CAPS2: variants seen among roughly 807,000 people sequenced by gnomAD.
CAPS2 encodes calcyphosine 2.
Under a neutral mutation model 86.5 loss-of-function variants are expected in CAPS2, and 98 were observed. The observed-to-expected ratio is 1.13, with a 90% confidence interval of 0.96 to 1.34. CAPS2 has a LOEUF of 1.34. Ranked by LOEUF, CAPS2 falls within the 40% of genes most tolerant of loss-of-function variation. The probability of loss-of-function intolerance (pLI) is 0.00; values close to 1 mark genes in which losing one functional copy is unlikely to be tolerated. For synonymous variants in CAPS2, 210 were observed against 225.1 expected, an observed-to-expected ratio of 0.93 and a Z score of 0.60; for missense variants, 729 against 686.8, an observed-to-expected ratio of 1.06 and a Z score of -0.69.
chr12:75,291,597 ATATATATATATATATT>A (rs1161523439), intron 13 of CAPS2, 131 bp downstream of exon 13: 652 of 63,918 alleles, frequency 0.01, 23 homozygotes, highest in Non-Finnish European at 0.02. Context: ...ATATATATAT[ATATATATATATATATT>A]CTTTTTTAAA....
At chr12:75,374,044 A>C (rs2044517954) in intron 1 of CAPS2, 1 of 152,240 alleles carries the variant, frequency 6.6e-6, no homozygotes, top group Non-Finnish European at 1.5e-5. Flanking sequence ...TTCTCTCAAA[A>C]TGAAAGTAGT....
In CAPS2 at chr12:75,369,832, A is replaced by AT. The variant is rs983839820; in HGVS notation, c.-395+21005dup. 6 of 1,325,572 alleles carry AT rather than the reference A, an allele frequency of 4.5e-6. No individual in the cohort carries two copies. In the African/African-American group the frequency reaches 8.9e-5, roughly 20 times the overall value. 82.1% of individuals were successfully genotyped at this position (1,325,572 alleles called of 1,614,324 possible). A position where few individuals can be genotyped will look rare whatever the true frequency, so the allele number is the denominator to read the frequency against. Reference sequence around the variant, plus strand: ...CTGTAGGATTGAGTAGGAAAGTTTCATTTTCTTGTTAAAAAGTCAAACTAA... The same window carrying AT: ...CTGTAGGATTGAGTAGGAAAGTTTCATTTTTCTTGTTAAAAAGTCAAACTAA... On this transcript the variant is annotated intron_variant, in intron 1 of 5. Coordinates refer to the CAPS2 transcript ENST00000551829.
chr12:75,319,499 A>T (rs2040102215), intron 5 of CAPS2, among the ~76,000 whole-genome samples: 1 of 152,176 alleles, frequency 6.6e-6, no homozygotes, highest in African/African-American at 2.4e-5. Flanking sequence ...AGCCCTTAGC[A>T]AGTGCCTAAT....
At chr12:75,319,495 T>C (rs2040101592) in intron 5 of CAPS2, among the ~76,000 whole-genome samples, 1 of 152,128 alleles carries the variant, frequency 6.6e-6, no homozygotes, top group Admixed American at 6.6e-5. Flanking sequence ...CTGAAGCCCT[T>C]AGCAAGTGCC....
chr12:75,300,153 A>G (rs2037570294), intron 8 of CAPS2, among the ~76,000 whole-genome samples: 1 of 152,216 alleles, frequency 6.6e-6, no homozygotes, highest in African/African-American at 2.4e-5. Context: ...TCAAAGTGCT[A>G]TAAAAGTAAA....
At chr12:75,369,401 A>T (rs999704090) in intron 1 of CAPS2, 45 of 464,358 alleles carry the variant, frequency 9.7e-5, no homozygotes, top group Non-Finnish European at 1.2e-4. Flanking sequence ...GCTGGTAACC[A>T]TTATATCCAA....
At chr12:75,292,975 A>C (rs1386496938) in intron 12 of CAPS2, among the ~76,000 whole-genome samples, 1 of 151,716 alleles carries the variant, frequency 6.6e-6, no homozygotes, top group Non-Finnish European at 1.5e-5. Context: ...ATACTTGGTA[A>C]AATAAAAGTG....
intron 6 of CAPS2, among the ~76,000 whole-genome samples, chr12:75,315,427 G>C (rs2039656279): frequency 6.6e-6 from 1 of 152,094 alleles, no homozygotes; most frequent in South Asian, 2.1e-4. Flanking sequence ...AAAATAATGT[G>C]CATGTGGTTT....
At chr12:75,369,535 G>C in intron 1 of CAPS2, 1 of 982,178 alleles carries the variant, frequency 1.0e-6, no homozygotes, top group East Asian at 1.1e-4. Context: ...AGGAAAGTTT[G>C]ATGTGGAAAA....
intron 1 of CAPS2, among the ~76,000 whole-genome samples, chr12:75,338,510 T>C (rs2041883081): frequency 6.6e-6 from 1 of 152,020 alleles, no homozygotes; most frequent in Admixed American, 6.6e-5. Context: ...TTTTATTTCA[T>C]TTTTTTTCCA....
At chr12:75,382,363 G>C (rs1175190909) in intron 1 of CAPS2, among the ~76,000 whole-genome samples, 3 of 152,162 alleles carry the variant, frequency 2.0e-5, no homozygotes, top group African/African-American at 7.2e-5. Flanking sequence ...GTGTAGACCA[G>C]GCATGGTGGC....
chr12:75,382,592 A>T (rs1454636199), intron 1 of CAPS2, among the ~76,000 whole-genome samples: 1 of 152,006 alleles, frequency 6.6e-6, no homozygotes, highest in Non-Finnish European at 1.5e-5. Context: ...GTAAGCCAAG[A>T]TCATGCCACT....
chr12:75,378,299 C>T (rs1485117279), intron 1 of CAPS2, among the ~76,000 whole-genome samples: 3 of 152,108 alleles, frequency 2.0e-5, no homozygotes, highest in Non-Finnish European at 4.4e-5. Context: ...TGCGCCTGGC[C>T]GATTGGTGCT....
chr12:75,343,389 C>A (rs1276259604), intron 1 of CAPS2, among the ~76,000 whole-genome samples: 4 of 151,874 alleles, frequency 2.6e-5, no homozygotes, highest in Non-Finnish European at 4.4e-5. Flanking sequence ...TTCTGAATTA[C>A]TAGACTTTGA....
chr12:75,284,901 A>G, intron 15 of CAPS2, 60 bp downstream of exon 15: 1 of 1,424,660 alleles, frequency 7.0e-7, no homozygotes, highest in East Asian at 2.5e-5. Context: ...AAAGTTTTAA[A>G]ATACTGAACC....
intron 9 of CAPS2, among the ~76,000 whole-genome samples, 169 bp from the exon 10 acceptor site, chr12:75,299,135 T>C (rs2138527489): frequency 6.6e-6 from 1 of 152,314 alleles, no homozygotes; most frequent in Non-Finnish European, 1.5e-5. Flanking sequence ...CTTGCTGAAA[T>C]GTCCACTAAA....
Position 75,278,744 on chromosome 12 carries a change from A to G in CAPS2, c.*146T>C. The G allele has an allele frequency of 2.3e-6, 3 of 1,319,232 alleles. No homozygotes were observed. The South Asian group carries it at 7.4e-5, about 33-fold the overall frequency. The allele number at this position is 1,319,232 out of a possible 1,614,324, so 81.7% of individuals were successfully genotyped here. A position where few individuals can be genotyped will look rare whatever the true frequency, so the allele number is the denominator to read the frequency against. On this transcript the variant is annotated 3_prime_UTR_variant, in exon 17 of 17. Transcript: ENST00000393284. ...TCTTTCCAAATTCAACATTTTTGAG[A>G]AAACAAAACAAAACAAAACAAACAA...
intron 6 of CAPS2, among the ~76,000 whole-genome samples, chr12:75,315,561 A>T (rs1007284574): frequency 1.3e-5 from 2 of 152,186 alleles, no homozygotes; most frequent in African/African-American, 4.8e-5. Flanking sequence ...ATTGTGACCC[A>T]AATAAAATAT....
upstream of CAPS2, among the ~76,000 whole-genome samples, chr12:75,332,740 T>C (rs1328272401): frequency 6.6e-6 from 1 of 152,176 alleles, no homozygotes; most frequent in Non-Finnish European, 1.5e-5. Flanking sequence ...GTGCTAGAGA[T>C]GTAGCAATGA....
Sources: gnomAD v4.1 joint callset for allele counts (sites outside exome capture counted in the v4.1 genomes callset) on GRCh38, gnomAD v4.1.1 for gene constraint, MANE v1.5 for transcripts, NCBI Gene and HGNC (gene_info 2026-07-23, HGNC 2026-07-21) for gene names.